XRCC5: variants seen among roughly 807,000 people sequenced by gnomAD.
XRCC5 encodes the protein DNA repair protein Ku80.
In XRCC5, 12 loss-of-function variants were observed where a neutral mutation model predicts 95.7. The ratio of observed to expected loss-of-function variants is 0.13; its 90% confidence interval spans 0.08 to 0.20. The LOEUF is 0.20. Ranked by LOEUF, XRCC5 falls within the 10% of genes least tolerant of loss-of-function variation. XRCC5 has a pLI of 1.00. For synonymous variants in XRCC5, 281 were observed against 290.3 expected (o/e 0.97, Z 0.33); for missense variants, 595 against 873.9 (o/e 0.68, Z 4.02).
At chr2:216,166,144 G>A (rs922911321) in intron 16 of XRCC5, among the ~76,000 whole-genome samples, 25 of 151,932 alleles carry the variant, frequency 1.6e-4, no homozygotes, top group African/African-American at 5.8e-4. Context: ...TTTTTGTGAA[G>A]GGGTCTCAGT....
intron 1 of XRCC5, among the ~76,000 whole-genome samples, chr2:216,111,628 ATTC>A (rs1463879231): frequency 7.2e-5 from 11 of 152,158 alleles, no homozygotes; most frequent in Admixed American, 7.2e-4. Context: ...TACATCATGT[ATTC>A]TTCAGATTCT....
chr2:216,167,905 A>T (rs1051612959), intron 16 of XRCC5, among the ~76,000 whole-genome samples: 3 of 152,170 alleles, frequency 2.0e-5, no homozygotes, highest in African/African-American at 7.2e-5. Flanking sequence ...ATCATGAGAA[A>T]ATTCATGATT....
chr2:216,114,732 A>G (rs41297746), intron 2 of XRCC5, among the ~76,000 whole-genome samples: 4,747 of 152,306 alleles, frequency 0.031, 90 homozygotes, highest in Non-Finnish European at 0.049. Context: ...AAACACCTGG[A>G]GTTAGCAAGC....
At chr2:216,200,026 T>C (rs1036383115) in intron 19 of XRCC5, among the ~76,000 whole-genome samples, 1 of 143,068 alleles carries the variant, frequency 7.0e-6, no homozygotes, top group East Asian at 1.9e-4. Context: ...ATTTTACCAA[T>C]TGGTGTTGGC....
intron 14 of XRCC5, among the ~76,000 whole-genome samples, chr2:216,153,962 C>A (rs1297964557): frequency 6.6e-6 from 1 of 152,230 alleles, no homozygotes; most frequent in East Asian, 1.9e-4. Flanking sequence ...AACCCCTCTT[C>A]ATGCTATTAT....
intron 13 of XRCC5, among the ~76,000 whole-genome samples, chr2:216,144,038 C>G (rs1697213252): frequency 6.6e-6 from 1 of 152,088 alleles, no homozygotes; most frequent in African/African-American, 2.4e-5. Context: ...TTATGGACCC[C>G]TCTAGAAGAA....
intron 14 of XRCC5, chr2:216,156,595 TA>T (rs1420467981): frequency 1.7e-5 from 10 of 578,620 alleles, no homozygotes; most frequent in Non-Finnish European, 2.8e-5. Context: ...CTTGTGCCAG[TA>T]GAAGACCTGG....
Position 216,109,355 on chromosome 2 carries a change from G to T in XRCC5, c.-82G>T. 1 of 1,606,340 alleles carries T rather than the reference G, an allele frequency of 6.2e-7. No individual in the cohort carries two copies. The highest frequency in any genetic ancestry group is 8.5e-7 in the Non-Finnish European group (1 of 1,176,232). On this transcript the variant is annotated 5_prime_UTR_variant, in exon 1 of 21. Transcript: ENST00000392132. Reference sequence around the variant, plus strand: ...AACGAAGCGGCTCTTTCCGCTATCTGCCGCTTGTCCACCGGAAGCGAGTTG... The same window carrying T: ...AACGAAGCGGCTCTTTCCGCTATCTTCCGCTTGTCCACCGGAAGCGAGTTG...
At chr2:216,171,814 A>G (rs902626712) in intron 16 of XRCC5, among the ~76,000 whole-genome samples, 5 of 152,192 alleles carry the variant, frequency 3.3e-5, no homozygotes, top group African/African-American at 1.2e-4. Context: ...GTCTGTGGTA[A>G]ATCTCTACAA....
At chr2:216,153,848 G>T (rs959191015) in intron 14 of XRCC5, among the ~76,000 whole-genome samples, 2 of 152,110 alleles carry the variant, frequency 1.3e-5, no homozygotes, top group African/African-American at 4.8e-5. Context: ...CTTCAGCTCG[G>T]ATTTCTATCC....
chr2:216,174,648 A>T (rs567680906), intron 16 of XRCC5, among the ~76,000 whole-genome samples: 3 of 152,350 alleles, frequency 2.0e-5, no homozygotes, highest in East Asian at 3.9e-4. Context: ...TGTACGTCTA[A>T]TCGACACTAT....
intron 14 of XRCC5, chr2:216,156,906 T>C (rs1305813019): frequency 3.1e-6 from 1 of 322,724 alleles, no homozygotes; most frequent in African/African-American, 2.2e-5. Flanking sequence ...AAGAAGGGCT[T>C]TTGAATATCT....
chr2:216,134,589 G>A (rs1331908589), intron 10 of XRCC5, among the ~76,000 whole-genome samples: 4 of 151,646 alleles, frequency 2.6e-5, no homozygotes, highest in East Asian at 3.9e-4. Flanking sequence ...CACAACGCCC[G>A]GCTAATTTTT....
At chr2:216,121,101 AAC>A (rs1312219023) in intron 5 of XRCC5, among the ~76,000 whole-genome samples, 9 of 152,156 alleles carry the variant, frequency 5.9e-5, no homozygotes, top group Non-Finnish European at 1.2e-4. Flanking sequence ...GAATAGACAG[AAC>A]AGTTATTATT....
intron 16 of XRCC5, among the ~76,000 whole-genome samples, chr2:216,170,739 TG>T (rs1410449985): frequency 6.6e-6 from 1 of 152,216 alleles, no homozygotes; most frequent in East Asian, 1.9e-4. Flanking sequence ...GCAGAACTCT[TG>T]GGTGCTTAGG....
intron 12 of XRCC5, among the ~76,000 whole-genome samples, chr2:216,139,223 T>TA (rs1697136140): frequency 6.6e-6 from 1 of 152,158 alleles, no homozygotes; most frequent in Non-Finnish European, 1.5e-5. Flanking sequence ...CATAGCTTAC[T>TA]GGAGCCTCAA....
chr2:216,184,112 A>T (rs1387440430), intron 16 of XRCC5, among the ~76,000 whole-genome samples: 1 of 150,530 alleles, frequency 6.6e-6, no homozygotes, highest in Non-Finnish European at 1.5e-5. Context: ...TTCTTTTTGT[A>T]CTTAAAATTT....
chr2:216,149,237 T>C (rs1219719205), intron 14 of XRCC5, among the ~76,000 whole-genome samples: 1 of 152,152 alleles, frequency 6.6e-6, no homozygotes, highest in African/African-American at 2.4e-5. Context: ...CTAAATTGAA[T>C]AGAAAGTTGT....
chr2:216,184,589 G>A (rs1254081922), intron 16 of XRCC5, among the ~76,000 whole-genome samples: 2 of 152,134 alleles, frequency 1.3e-5, no homozygotes, highest in African/African-American at 4.8e-5. Flanking sequence ...TGATTCTCCT[G>A]CCTCCGCCTC....
Sources: allele counts gnomAD v4.1 joint callset (sites outside exome capture counted in the v4.1 genomes callset), GRCh38; gene constraint gnomAD v4.1.1; transcripts MANE v1.5; gene names NCBI Gene and HGNC (gene_info 2026-07-23, HGNC 2026-07-21).